Variants in PLCG1 observed in about 807,000 individuals in gnomAD.
PLCG1 encodes the protein 1-phosphatidylinositol 4,5-bisphosphate phosphodiesterase gamma-1.
A neutral mutation model predicts 177.8 loss-of-function variants in PLCG1; 71 were observed. The observed-to-expected ratio is 0.40, with a 90% CI of 0.33 to 0.49. The LOEUF (loss-of-function observed/expected upper bound fraction) is 0.49. Among genes scored for constraint, PLCG1 ranks in the 20% least tolerant of loss-of-function variants. The probability of loss-of-function intolerance (pLI) is 0.72; values close to 1 mark genes in which losing one functional copy is unlikely to be tolerated. For missense variants in PLCG1, 1,281 were observed against 1,709.0 expected (o/e 0.75, Z 4.42); for synonymous variants, 658 against 647.9 (o/e 1.02, Z -0.24).
Position 41,167,672 on chromosome 20 carries a change from G to A in PLCG1, c.2302-180G>A, listed in dbSNP as rs1216421952. 5.0e-6 allele frequency: 3 copies of A among 596,762 alleles called. No homozygotes were observed. The highest frequency in any genetic ancestry group is 9.0e-6 in the Non-Finnish European group (3 of 333,816). 37.0% of individuals were successfully genotyped at this position (596,762 alleles called of 1,614,324 possible). On this transcript the variant is annotated intron_variant, in intron 19 of 31. Coordinates refer to ENST00000685551, the MANE Select transcript of PLCG1 (RefSeq NM_002660.3). This position sits in a 1 kb window ranked among gnomAD's most constrained non-coding sequence, Gnocchi z 4.4. The stretch of plus-strand genomic sequence containing the variant: ...CATGTAAGAATGTGAAGAAAGGAAA[G>A]GGAACAGTGAGGCCGGGCCTGAGGC...
rs2035651827 is a variant in PLCG1 at position 41,165,485 on chromosome 20, C to T, written c.1545C>T (p.Ser515=). The change falls in exon 15 of 32, where the codon AGC becomes AGT. Residue 515 remains serine, a synonymous_variant. Coordinates refer to ENST00000685551, the MANE Select transcript of PLCG1 (RefSeq NM_002660.3). The surrounding 1 kb of genome is among the most constrained non-coding windows in gnomAD (Gnocchi z 6.6). ...CCCACTACTTTGTTCTGACCAGCAG[C>T]AAGATCTACTACTCTGAGGAGACCA... ...WYPHYFVLTS[S]KIYYSEETSS... The T allele has an allele frequency of 6.2e-7, 1 of 1,614,072 alleles. No individual in the cohort carries two copies. The highest frequency in any genetic ancestry group is 1.3e-5 in the African/African-American group (1 of 75,030).
Position 41,164,337 on chromosome 20 carries a change from C to G in PLCG1, c.1217+136C>G. 1.2e-6 allele frequency: 1 copy of G among 847,554 alleles called. No homozygotes were observed. Among genetic ancestry groups the G allele is most frequent in the East Asian group, 2.6e-5 (1 of 39,108 alleles). The allele number at this position is 847,554 out of a possible 1,614,324, so 52.5% of individuals were successfully genotyped here. The stretch of plus-strand genomic sequence containing the variant: ...TTTCATCTTTGTCCTTCCTCTTGGC[C>G]TCTCCTCGTCACCTGCTCCCTGCTT... On this transcript the variant is annotated intron_variant, in intron 12 of 31. Coordinates refer to ENST00000685551, the MANE Select transcript of PLCG1 (RefSeq NM_002660.3). This position sits in a 1 kb window ranked among gnomAD's most constrained non-coding sequence, Gnocchi z 6.4.
At position 41,160,225 on chromosome 20, in the gene PLCG1, G is replaced by T. The variant is rs556219928; in HGVS notation, c.512+72G>T. 2.6e-5 allele frequency: 37 copies of T among 1,400,768 alleles called. No homozygotes were observed. The Middle Eastern group carries it at 5.3e-4, about 20-fold the overall frequency. The allele number at this position is 1,400,768 out of a possible 1,614,324, so 86.8% of individuals were successfully genotyped here. ...TCCAGAACCTTAGCCAGGCCTCTAAGTAGCTGCCCGGAGAGCCAGAGGACC... is the reference window on the plus strand; with the variant it reads ...TCCAGAACCTTAGCCAGGCCTCTAATTAGCTGCCCGGAGAGCCAGAGGACC... On this transcript the variant is annotated intron_variant, in intron 4 of 31. Transcript: ENST00000685551. This position sits in a 1 kb window ranked among gnomAD's most constrained non-coding sequence, Gnocchi z 5.5.
At chr20:41,170,409 G>A in intron 24 of PLCG1, 140 bp downstream of exon 24, 1 of 769,668 alleles carries the variant, frequency 1.3e-6, no homozygotes, top group South Asian at 1.8e-5. Context: ...CCCTGCCTTA[G>A]CTAGGGATTG....
At position 41,172,668 on chromosome 20, in the gene PLCG1, G is replaced by T. The variant is rs1307497095; in HGVS notation, c.3130+23G>T. On this transcript the variant is annotated intron_variant, in intron 26 of 31. Coordinates refer to ENST00000685551, the MANE Select transcript of PLCG1 (RefSeq NM_002660.3). The surrounding 1 kb of genome is among the most constrained non-coding windows in gnomAD (Gnocchi z 7.0). Reference sequence around the variant, plus strand: ...CTGGTGAGGAAGTCCCCTGTGAGGAGGGTGAGGAGGGGCACTGTGGGGCAG... The same window carrying T: ...CTGGTGAGGAAGTCCCCTGTGAGGATGGTGAGGAGGGGCACTGTGGGGCAG... 1.2e-6 allele frequency: 2 copies of T among 1,612,958 alleles called. No homozygotes were observed. The highest frequency in any genetic ancestry group is 1.7e-6 in the Non-Finnish European group (2 of 1,179,132).
At chr20:41,139,525 TTG>T (rs1453400688) in intron 1 of PLCG1, among the ~76,000 whole-genome samples, 1 of 152,166 alleles carries the variant, frequency 6.6e-6, no homozygotes, top group Non-Finnish European at 1.5e-5. Flanking sequence ...CATATATTCA[TTG>T]TGTGTTTCCC....
chr20:41,147,859 A>G lies in PLCG1; in HGVS notation c.217+10001A>G, dbSNP rs960897493. Among the ~76,000 whole-genome samples the G allele has an allele frequency of 6.6e-6, 1 of 151,968 alleles. No individual in the cohort carries two copies. Among genetic ancestry groups the G allele is most frequent in the Non-Finnish European group, 1.5e-5 (1 of 67,998 alleles). On this transcript the variant is annotated intron_variant, in intron 1 of 31. Coordinates refer to ENST00000685551, the MANE Select transcript of PLCG1 (RefSeq NM_002660.3). The surrounding 1 kb of genome is among the most constrained non-coding windows in gnomAD (Gnocchi z 4.0). Reference sequence around the variant, plus strand: ...CAAGACTCTGTCTCTTTAAAAAAAAAAAAAAATTTAAGCTGGGCTTTCTGG... The same window carrying G: ...CAAGACTCTGTCTCTTTAAAAAAAAGAAAAAATTTAAGCTGGGCTTTCTGG...
chr20:41,160,138 G>A lies in PLCG1; in HGVS notation c.497G>A (p.Arg166Gln), dbSNP rs770679029. Residue 166 changes from arginine (R) to glutamine (Q), a missense_variant, in exon 4 of 32, where the codon CGG (arginine) becomes CAG (glutamine). Around this residue, in one of 4 missense-constraint regions of PLCG1, gnomAD observed 374 missense variants for 443.8 expected, o/e 0.84. Transcript: ENST00000685551. This position sits in a 1 kb window ranked among gnomAD's most constrained non-coding sequence, Gnocchi z 5.5. ...CGGAAGCAGTTTTACTCAGTGGATC[G>A]GAATCGTGAGGATCGGTAAGTACTG... ...WLRKQFYSVD[R>Q]NREDRISAKD... 1.6e-5 allele frequency: 26 copies of A among 1,613,956 alleles called. 1 individual carries two copies. The Middle Eastern group carries it at 9.9e-4, about 61-fold the overall frequency.
At chr20:41,145,544 G>A (rs2034970420) in intron 1 of PLCG1, among the ~76,000 whole-genome samples, 1 of 152,138 alleles carries the variant, frequency 6.6e-6, no homozygotes, top group Non-Finnish European at 1.5e-5. Context: ...CTCTGTTGTG[G>A]CCACAGTATC....
Position 41,148,980 on chromosome 20 carries a change from A to G in PLCG1, c.218-10626A>G, listed in dbSNP as rs1385685246. On this transcript the variant is annotated intron_variant, in intron 1 of 31. Coordinates refer to ENST00000685551, the MANE Select transcript of PLCG1 (RefSeq NM_002660.3). The surrounding 1 kb of genome is among the most constrained non-coding windows in gnomAD (Gnocchi z 4.3). ...TCCTCACTCGGGAATTGGGGACCCTAATACTTACTTCATAGTGTTATTTGC... is the reference window on the plus strand; with the variant it reads ...TCCTCACTCGGGAATTGGGGACCCTGATACTTACTTCATAGTGTTATTTGC... 6.6e-6 allele frequency among the ~76,000 whole-genome samples: 1 copy of G among 152,230 alleles called. No individual in the cohort carries two copies. Among genetic ancestry groups the G allele is most frequent in the Non-Finnish European group, 1.5e-5 (1 of 68,036 alleles).
In PLCG1 at chr20:41,163,902, C is replaced by G; in HGVS notation, c.1011-19C>G. On this transcript the variant is annotated intron_variant, in intron 10 of 31. Coordinates refer to ENST00000685551, the MANE Select transcript of PLCG1 (RefSeq NM_002660.3). This position sits in a 1 kb window ranked among gnomAD's most constrained non-coding sequence, Gnocchi z 5.2. ...GGGCCCATCTGACCATACCTACCTG[C>G]CTCTCCTTGCCTATCCAGGTACCTG... The G allele has an allele frequency of 3.1e-6, 5 of 1,612,546 alleles. No individual in the cohort carries two copies. The highest frequency in any genetic ancestry group is 4.2e-6 in the Non-Finnish European group (5 of 1,178,592).
rs769226755 is a variant in PLCG1, at chr20:41,165,574, G to GGGGCTGGGCCAGGTCA, written c.1611+26_1611+41dup. 577 of 1,612,270 alleles carry GGGGCTGGGCCAGGTCA rather than the reference G, an allele frequency of 3.6e-4. 1 individual carries two copies. The highest frequency in any genetic ancestry group is 4.5e-4 in the Non-Finnish European group (528 of 1,178,474). ...GAGGTGAGGAACCAGCTCAGGTCTGGGGGCTGGGCCAGGTCAGGCCTGGGC... is the reference window on the plus strand; with the variant it reads ...GAGGTGAGGAACCAGCTCAGGTCTGGGGGCTGGGCCAGGTCAGGGCTGGGCCAGGTCAGGCCTGGGC... On this transcript the variant is annotated intron_variant, in intron 15 of 31. Transcript: ENST00000685551. The surrounding 1 kb of genome is among the most constrained non-coding windows in gnomAD (Gnocchi z 6.6).
rs565327656 is a variant in PLCG1 at position 41,170,242 on chromosome 20, T to C, written c.2781T>C (p.Arg927=). The change falls in exon 24 of 32, where the codon CGT becomes CGC. Residue 927 remains arginine, a synonymous_variant. Coordinates refer to ENST00000685551, the MANE Select transcript of PLCG1 (RefSeq NM_002660.3). ...TGCAGGACTGGGTGAAAAAGATCCG[T>C]GAAGTGGCCCAGACAGCAGACGCCA... ...EELQDWVKKI[R]EVAQTADARL... The C allele has an allele frequency of 6.2e-7, 1 of 1,613,984 alleles. No individual in the cohort carries two copies. The highest frequency in any genetic ancestry group is 2.2e-5 in the East Asian group (1 of 44,868).
In PLCG1 at chr20:41,160,071, G is replaced by A. The variant is rs1432410148; in HGVS notation, c.465-35G>A. On this transcript the variant is annotated intron_variant, in intron 3 of 31. Coordinates refer to ENST00000685551, the MANE Select transcript of PLCG1 (RefSeq NM_002660.3). The surrounding 1 kb of genome is among the most constrained non-coding windows in gnomAD (Gnocchi z 5.5). ...CATCTCCCAGGCCTGACTGTAGATGGAGAAGTGGCCCTCACCTCAGGCTTC... is the reference window on the plus strand; with the variant it reads ...CATCTCCCAGGCCTGACTGTAGATGAAGAAGTGGCCCTCACCTCAGGCTTC... 1 of 1,612,790 alleles carries A rather than the reference G, an allele frequency of 6.2e-7. No homozygotes were observed.
chr20:41,159,830 G>T lies in PLCG1; in HGVS notation c.371-40G>T, dbSNP rs767551780. On this transcript the variant is annotated intron_variant, in intron 2 of 31. Transcript: ENST00000685551. The surrounding 1 kb of genome is among the most constrained non-coding windows in gnomAD (Gnocchi z 6.0). Reference sequence around the variant, plus strand: ...CCTGCTGGCTCCTGCCCAGTGGGAGGTATGTGCCCTCGGGGCAGCTATTGA... The same window carrying T: ...CCTGCTGGCTCCTGCCCAGTGGGAGTTATGTGCCCTCGGGGCAGCTATTGA... 7.6e-5 allele frequency: 122 copies of T among 1,611,768 alleles called. No individual in the cohort carries two copies. The highest frequency in any genetic ancestry group is 1.7e-4 in the Middle Eastern group (1 of 6,060).
chr20:41,142,277 G>A (rs2034855693), intron 1 of PLCG1, among the ~76,000 whole-genome samples: 1 of 152,264 alleles, frequency 6.6e-6, no homozygotes, highest in African/African-American at 2.4e-5. Context: ...CTGTGCAGGG[G>A]TAGGGAACAG....
At position 41,160,828 on chromosome 20, in the gene PLCG1, A is replaced by T. The variant is rs1473224313; in HGVS notation, c.512+675A>T. 6.6e-6 allele frequency among the ~76,000 whole-genome samples: 1 copy of T among 152,166 alleles called. No homozygotes were observed. The highest frequency in any genetic ancestry group is 1.5e-5 in the Non-Finnish European group (1 of 68,030). On this transcript the variant is annotated intron_variant, in intron 4 of 31. Transcript: ENST00000685551. The surrounding 1 kb of genome is among the most constrained non-coding windows in gnomAD (Gnocchi z 5.5). ...TTTTGGGGTGTGAGAGGCATTGAGG[A>T]TAATAGTATGCTGTTTGGCTTGAGC...
At chr20:41,169,731 C>A in intron 23 of PLCG1, 1 of 589,812 alleles carries the variant, frequency 1.7e-6, no homozygotes. Flanking sequence ...TTTACCTATG[C>A]CAGGCACTGG....
At chr20:41,149,775 G>A (rs973972428) in intron 1 of PLCG1, among the ~76,000 whole-genome samples, 1 of 152,316 alleles carries the variant, frequency 6.6e-6, no homozygotes, top group African/African-American at 2.4e-5. Flanking sequence ...TAGGCCTGTA[G>A]CGCACAAAGA....
Sources: gnomAD v4.1 joint callset for allele counts (sites outside exome capture counted in the v4.1 genomes callset) on GRCh38, gnomAD v4.1.1 for gene constraint, gnomAD v4.1.1 regional missense constraint, Gnocchi (gnomAD v3.1) non-coding constraint, MANE v1.5 for transcripts, NCBI Gene and HGNC (gene_info 2026-07-23, HGNC 2026-07-21) for gene names.